NCKAP5: variants seen among roughly 807,000 people sequenced by gnomAD.
NCKAP5 encodes nck-associated protein 5.
A neutral mutation model predicts 167.0 loss-of-function variants in NCKAP5; 92 were observed. The observed-to-expected ratio is 0.55, with a 90% CI of 0.47 to 0.66. The LOEUF is 0.66. NCKAP5 is among the 30% of genes least tolerant of loss of function. The pLI is 0.00. For missense variants in NCKAP5, 2,378 were observed against 2,315.0 expected (o/e 1.03, Z -0.56); for synonymous variants, 891 against 877.4 (o/e 1.02, Z -0.27).
chr2:132,834,505 T>TG (rs1329272512), intron 11 of NCKAP5, among the ~76,000 whole-genome samples: 1 of 152,098 alleles, frequency 6.6e-6, no homozygotes, highest in Non-Finnish European at 1.5e-5. Flanking sequence ...CCACCATGCC[T>TG]GGCTATTTTT....
chr2:133,033,598 T>G lies in NCKAP5; in HGVS notation c.342-39359A>C, dbSNP rs1478824516. ...TTCAAAATAGCTGCGTTGAGGAAAC[T>G]CAAAGAAATTCAAGATAACACATAT... On this transcript the variant is annotated intron_variant, in intron 6 of 19. Coordinates refer to ENST00000409261, the MANE Select transcript of NCKAP5 (RefSeq NM_207363.3). Among the ~76,000 whole-genome samples the G allele has an allele frequency of 2.0e-5, 3 of 152,086 alleles. No homozygotes were observed. In the East Asian group the frequency reaches 5.8e-4, roughly 29 times the overall value.
chr2:133,581,242 C>T, the NCKAP5 span, among the ~76,000 whole-genome samples: 1 of 152,158 alleles, frequency 6.6e-6, no homozygotes, highest in African/African-American at 2.4e-5. Flanking sequence ...CATTTGAGTT[C>T]CTGGTGAACA....
chr2:133,460,338 G>A (rs980848499), intron 3 of NCKAP5, among the ~76,000 whole-genome samples: 5 of 152,202 alleles, frequency 3.3e-5, no homozygotes, highest in African/African-American at 1.2e-4. Context: ...CCTGATTTTA[G>A]AATTAATGGC....
chr2:133,400,562 G>A (rs1450810668), intron 3 of NCKAP5, among the ~76,000 whole-genome samples: 1 of 152,136 alleles, frequency 6.6e-6, no homozygotes, highest in African/African-American at 2.4e-5. Context: ...GTCAAGGAAT[G>A]TATGAGCCAC....
chr2:133,132,231 G>A (rs2082627612), intron 5 of NCKAP5, among the ~76,000 whole-genome samples: 1 of 150,576 alleles, frequency 6.6e-6, no homozygotes, highest in Non-Finnish European at 1.5e-5. Context: ...AGGTTGCAGT[G>A]AGCCGAGATT....
intron 5 of NCKAP5, among the ~76,000 whole-genome samples, chr2:133,211,542 C>T (rs554283716): frequency 6.6e-6 from 1 of 152,196 alleles, no homozygotes; most frequent in African/African-American, 2.4e-5. Context: ...TACCAAACTC[C>T]CCTACCCTGC....
chr2:133,320,403 CTA>C (rs920224043), intron 3 of NCKAP5, among the ~76,000 whole-genome samples: 8 of 152,142 alleles, frequency 5.3e-5, no homozygotes, highest in South Asian at 2.1e-4. Context: ...TGTCAAAGTC[CTA>C]TGTCTGCTAT....
At chr2:132,733,843 T>C (rs1166496512) in intron 16 of NCKAP5, among the ~76,000 whole-genome samples, 1 of 152,322 alleles carries the variant, frequency 6.6e-6, no homozygotes, top group East Asian at 1.9e-4. Flanking sequence ...TTGGCTTTTC[T>C]AGGCTCAAAG....
At chr2:133,536,089 T>A (rs1297403168) in intron 2 of NCKAP5, among the ~76,000 whole-genome samples, 1 of 152,146 alleles carries the variant, frequency 6.6e-6, no homozygotes, top group African/African-American at 2.4e-5. Context: ...CTGTAGGTTG[T>A]CTGTTTATTC....
chr2:133,251,677 C>G (rs188606053), intron 4 of NCKAP5, among the ~76,000 whole-genome samples: 99 of 152,232 alleles, frequency 6.5e-4, no homozygotes, highest in African/African-American at 2.3e-3. Context: ...ATGAGAAAAG[C>G]CCTCATTCAC....
chr2:132,851,395 A>G (rs1485052596), intron 11 of NCKAP5, among the ~76,000 whole-genome samples: 3 of 152,098 alleles, frequency 2.0e-5, no homozygotes, highest in Non-Finnish European at 4.4e-5. Context: ...TTAGGATATG[A>G]GAGTATCTTG....
chr2:133,150,920 A>G (rs1459835438), intron 5 of NCKAP5, among the ~76,000 whole-genome samples: 1 of 152,206 alleles, frequency 6.6e-6, no homozygotes, highest in Non-Finnish European at 1.5e-5. Flanking sequence ...ACTACATGCA[A>G]CAATATAGAT....
chr2:133,332,352 C>G lies in NCKAP5; in HGVS notation c.70-29242G>C, dbSNP rs1682913850. ...AACCAGAATCCAACACTCCAATGCA[C>G]CCAGTTAACCAGAATTAGGTTCACT... is the stretch of plus-strand genomic sequence containing the variant. On this transcript the variant is annotated intron_variant, in intron 3 of 19. Transcript: ENST00000409261. 2.6e-5 allele frequency among the ~76,000 whole-genome samples: 4 copies of G among 152,086 alleles called. No homozygotes were observed. The South Asian group carries it at 8.3e-4, about 32-fold the overall frequency.
chr2:132,783,361 G>C lies in NCKAP5; in HGVS notation c.3450C>G (p.Leu1150=), dbSNP rs763230277. ...GCTGGGGAGACTTCATGAGCACTTTGAGTCCCACTGGAAGGCGAGTTTTCA... is the reference window on the plus strand; with the variant it reads ...GCTGGGGAGACTTCATGAGCACTTTCAGTCCCACTGGAAGGCGAGTTTTCA... The part of the protein sequence containing the change: ...KGLKTRLPVG[L]KVLMKSPQLL... Residue 1150 remains leucine, a synonymous_variant, in exon 14 of 20, where the codon CTC becomes CTG. Transcript: ENST00000409261. The C allele has an allele frequency of 1.2e-6, 2 of 1,611,530 alleles. No homozygotes were observed. The highest frequency in any genetic ancestry group is 1.7e-6 in the Non-Finnish European group (2 of 1,178,918).
intron 4 of NCKAP5, among the ~76,000 whole-genome samples, chr2:133,228,664 C>A (rs540004087): frequency 1.3e-5 from 2 of 152,116 alleles, no homozygotes; most frequent in African/African-American, 4.8e-5. Context: ...ATATTAGAGC[C>A]AGAGAGTACA....
chr2:133,584,992 A>AGGAAGGAAGGAG, the NCKAP5 span, among the ~76,000 whole-genome samples: 1 of 147,376 alleles, frequency 6.8e-6, no homozygotes, highest in Non-Finnish European at 1.5e-5. Flanking sequence ...GAAGGAAGGA[A>AGGAAGGAAGGAG]GGAGGGAAAG....
intron 5 of NCKAP5, among the ~76,000 whole-genome samples, chr2:133,151,667 A>G (rs530595487): frequency 6.6e-6 from 1 of 152,360 alleles, no homozygotes; most frequent in African/African-American, 2.4e-5. Flanking sequence ...ATTCACTGCT[A>G]GTGAAAGTAT....
chr2:133,185,998 T>C (rs1311964912), intron 5 of NCKAP5, among the ~76,000 whole-genome samples: 2 of 152,142 alleles, frequency 1.3e-5, no homozygotes, highest in Admixed American at 6.5e-5. Flanking sequence ...CAGTCCTATA[T>C]TGAATAGGAG....
chr2:133,671,552 G>T, the NCKAP5 span, among the ~76,000 whole-genome samples: 1 of 152,034 alleles, frequency 6.6e-6, no homozygotes, highest in Non-Finnish European at 1.5e-5. Flanking sequence ...ACTTGAGCTC[G>T]CATGTTCAGG....
Sources: gnomAD v4.1 joint callset for allele counts (sites outside exome capture counted in the v4.1 genomes callset) on GRCh38, gnomAD v4.1.1 for gene constraint, MANE v1.5 for transcripts, NCBI Gene and HGNC (gene_info 2026-07-23, HGNC 2026-07-21) for gene names.